HYDIN: variants seen among roughly 807,000 people sequenced by gnomAD.
HYDIN encodes the protein axonemal central pair apparatus protein HYDIN.
In HYDIN, 132 loss-of-function variants were observed where a neutral mutation model predicts 403.9. That is an observed-to-expected ratio of 0.33 (90% CI 0.28 to 0.38). The LOEUF (loss-of-function observed/expected upper bound fraction) is 0.38. HYDIN is among the 10% of genes least tolerant of loss of function. HYDIN has a pLI of 1.00. For synonymous variants in HYDIN, 1,202 were observed against 1,891.7 expected, an observed-to-expected ratio of 0.64 and a Z score of 9.46; for missense variants, 2,827 against 5,009.5, an observed-to-expected ratio of 0.56 and a Z score of 13.15.
rs933689122 is a variant in HYDIN at position 70,803,114 on chromosome 16, T to G, written c.*4466A>C. On this transcript the variant is annotated 3_prime_UTR_variant, in exon 86 of 86. Coordinates refer to ENST00000393567, the MANE Select transcript of HYDIN (RefSeq NM_001270974.2). ...GCTTTTTCTTAGAGGTGAACTGAATTTCCCAAGGGTAATGATACAGTTTTT... is the reference window on the plus strand; with the variant it reads ...GCTTTTTCTTAGAGGTGAACTGAATGTCCCAAGGGTAATGATACAGTTTTT... Among the ~76,000 whole-genome samples the G allele has an allele frequency of 6.6e-6, 1 of 152,218 alleles. No individual in the cohort carries two copies. Among genetic ancestry groups the G allele is most frequent in the East Asian group, 1.9e-4 (1 of 5,206 alleles).
At chr16:70,945,425 T>C (rs1248353316) in intron 41 of HYDIN, among the ~76,000 whole-genome samples, 1 of 152,206 alleles carries the variant, frequency 6.6e-6, no homozygotes, top group Non-Finnish European at 1.5e-5. Flanking sequence ...TCTAAGCCCT[T>C]CGAGAGAGAT....
chr16:70,955,430 A>T lies in HYDIN; in HGVS notation c.6261T>A (p.Arg2087=). The stretch of plus-strand genomic sequence containing the variant: ...CTATGGCAGCCCTGATGCAGAGCTC[A>T]CGGGCCCGGATCCCTGGGATGTTGT... ...NSNNIPGIRA[R]ELCIRAAIEQ... Residue 2087 remains arginine (R), a synonymous_variant, in exon 40 of 86, where the codon CGT becomes CGA. Coordinates refer to ENST00000393567, the MANE Select transcript of HYDIN (RefSeq NM_001270974.2). 1 of 1,613,202 alleles carries T rather than the reference A, an allele frequency of 6.2e-7. No homozygotes were observed. The highest frequency in any genetic ancestry group is 8.5e-7 in the Non-Finnish European group (1 of 1,179,246).
intron 16 of HYDIN, among the ~76,000 whole-genome samples, chr16:71,063,676 T>C (rs1462470490): frequency 6.6e-6 from 1 of 152,190 alleles, no homozygotes; most frequent in African/African-American, 2.4e-5. Flanking sequence ...GAGAAACCCA[T>C]AGAACCATTC....
At chr16:71,134,744 G>T (rs1054087541) in intron 8 of HYDIN, among the ~76,000 whole-genome samples, 1 of 152,096 alleles carries the variant, frequency 6.6e-6, no homozygotes, top group Non-Finnish European at 1.5e-5. Context: ...CAAGAGGTTG[G>T]GCATTTCATG....
chr16:71,162,850 A>G (rs2086060006), intron 5 of HYDIN, 120 bp from the exon 6 acceptor site: 1 of 595,010 alleles, frequency 1.7e-6, no homozygotes, highest in African/African-American at 1.9e-5. Context: ...TTCTATGAAA[A>G]CATCTTAAAA....
rs200497214 is a variant in HYDIN, at chr16:70,973,944, T to C, written c.5114A>G (p.Lys1705Arg). The part of the protein sequence containing the change: ...TIPTMTLSRG[K>R]VDFATIQCGQ... Reference sequence around the variant, plus strand: ...ACACTGAATTGTGGCAAAGTCCACTTTTCCACGAGAGAGAGTCATGGTTGG... The same window carrying C: ...ACACTGAATTGTGGCAAAGTCCACTCTTCCACGAGAGAGAGTCATGGTTGG... Residue 1705 changes from lysine to arginine, a missense_variant, in exon 34 of 86, where the codon AAA becomes AGA. Coordinates refer to ENST00000393567, the MANE Select transcript of HYDIN (RefSeq NM_001270974.2). 1 of 931,584 alleles carries C rather than the reference T, an allele frequency of 1.1e-6. No individual in the cohort carries two copies. The highest frequency in any genetic ancestry group is 1.6e-6 in the Non-Finnish European group (1 of 639,754). The allele number at this position is 931,584 out of a possible 1,614,324, so 57.7% of individuals were successfully genotyped here.
intron 41 of HYDIN, among the ~76,000 whole-genome samples, chr16:70,950,876 C>G (rs1341179738): frequency 1.3e-5 from 2 of 152,156 alleles, no homozygotes; most frequent in Non-Finnish European, 2.9e-5. Flanking sequence ...AGCACACCCC[C>G]TCTCCTCAAT....
At chr16:70,929,293 G>GAAACA (rs1597347223) in intron 45 of HYDIN, among the ~76,000 whole-genome samples, 1 of 141,538 alleles carries the variant, frequency 7.1e-6, no homozygotes, top group East Asian at 2.2e-4. Flanking sequence ...TCCATCTGAA[G>GAAACA]AAACAAAACA....
intron 3 of HYDIN, among the ~76,000 whole-genome samples, chr16:71,183,499 A>G (rs2086993161): frequency 1.3e-5 from 2 of 152,134 alleles, no homozygotes; most frequent in African/African-American, 4.8e-5. Flanking sequence ...AAATAATAAC[A>G]AACAATCTTT....
intron 18 of HYDIN, among the ~76,000 whole-genome samples, chr16:71,033,281 C>G (rs1362212222): frequency 6.6e-6 from 1 of 152,208 alleles, no homozygotes; most frequent in Non-Finnish European, 1.5e-5. Flanking sequence ...GACAAATGCA[C>G]CACACACATT....
At chr16:70,864,295 C>T (rs1455033510) in intron 67 of HYDIN, among the ~76,000 whole-genome samples, 4 of 77,150 alleles carry the variant, frequency 5.2e-5, no homozygotes, top group Non-Finnish European at 8.8e-5. Flanking sequence ...CGCACCATTG[C>T]ACTCCAGCCT....
At chr16:71,021,100 T>C (rs2080472232) in intron 21 of HYDIN, among the ~76,000 whole-genome samples, 1 of 151,340 alleles carries the variant, frequency 6.6e-6, no homozygotes, top group African/African-American at 2.4e-5. Flanking sequence ...CTGATTTGCC[T>C]ATATCTTGTT....
At chr16:70,811,593 C>CCT (rs1257710411) in intron 84 of HYDIN, among the ~76,000 whole-genome samples, 5 of 148,870 alleles carry the variant, frequency 3.4e-5, no homozygotes, top group African/African-American at 1.2e-4. Flanking sequence ...ACAAATATAA[C>CCT]CTATAAAAAC....
intron 13 of HYDIN, among the ~76,000 whole-genome samples, chr16:71,071,816 T>G (rs1050420493): frequency 6.6e-6 from 1 of 152,208 alleles, no homozygotes; most frequent in Non-Finnish European, 1.5e-5. Context: ...ATTAAATTGA[T>G]TCATCAACAT....
intron 47 of HYDIN, among the ~76,000 whole-genome samples, chr16:70,917,234 CA>C (rs1317332108): frequency 3.3e-5 from 5 of 152,240 alleles, no homozygotes; most frequent in Non-Finnish European, 7.3e-5. Flanking sequence ...CTGATTTTCA[CA>C]ATAAGGGGTT....
intron 43 of HYDIN, among the ~76,000 whole-genome samples, chr16:70,941,002 T>C (rs2143878877): frequency 6.6e-6 from 1 of 151,480 alleles, no homozygotes; most frequent in East Asian, 1.9e-4. Context: ...TAAGCTAACA[T>C]TACTTGTGTG....
Position 71,230,566 on chromosome 16 carries a change from G to C in HYDIN, c.-28C>G. 1.3e-6 allele frequency: 2 copies of C among 1,534,720 alleles called. No individual in the cohort carries two copies. Among genetic ancestry groups the C allele is most frequent in the Non-Finnish European group, 1.7e-6 (2 of 1,146,016 alleles). On this transcript the variant is annotated 5_prime_UTR_variant, in exon 1 of 86. Transcript: ENST00000393567. ...ATCTCTGCGAGGACCTCTGACCTTG[G>C]TGCACTCCGGGTCCCACGTTTATTC...
At chr16:70,926,546 G>T (rs11866549) in intron 45 of HYDIN, among the ~76,000 whole-genome samples, 5,970 of 151,948 alleles carry the variant, frequency 0.039, 420 homozygotes, top group African/African-American at 0.14. Flanking sequence ...CACCAGCATG[G>T]CACAGGTATA....
chr16:71,028,268 C>T (rs1371215191), intron 19 of HYDIN, among the ~76,000 whole-genome samples: 8 of 152,054 alleles, frequency 5.3e-5, no homozygotes, highest in African/African-American at 1.9e-4. Flanking sequence ...AGTGGAATGT[C>T]CCATAACAAT....
Sources: gnomAD v4.1 joint callset for allele counts (sites outside exome capture counted in the v4.1 genomes callset) on GRCh38, gnomAD v4.1.1 for gene constraint, MANE v1.5 for transcripts, NCBI Gene and HGNC (gene_info 2026-07-23, HGNC 2026-07-21) for gene names.